The following PVT1 variants were observed in gnomAD, a reference collection of about 807,000 sequenced individuals.
PVT1 encodes Pvt1 oncogene, also known as CXCR4/PVT1 fusion.
intron 3 of PVT1, among the ~76,000 whole-genome samples, chr8:127,931,583 TCA>T (rs1321613924): frequency 6.6e-6 from 1 of 152,230 alleles, no homozygotes; most frequent in African/African-American, 2.4e-5. Context: ...ACAGAGCAGC[TCA>T]GCAGCTTGCC....
rs192773454 is a variant in PVT1, at chr8:127,836,310, T to A, written n.372+40239T>A. 2.6e-5 allele frequency among the ~76,000 whole-genome samples: 4 copies of A among 152,364 alleles called. No individual in the cohort carries two copies. The East Asian group carries it at 7.7e-4, about 29-fold the overall frequency. ...TTTTTTTAAAATTAATTTTAATTTT[T>A]ATTTTACATTCCGAGGTACATGTGC... On this transcript the variant is annotated intron_variant and non_coding_transcript_variant, in intron 2 of 10. Coordinates refer to ENST00000651587, the Ensembl canonical transcript of PVT1.
Position 128,100,455 on chromosome 8 carries a change from G to C in PVT1, n.1251+3801G>C, listed in dbSNP as rs371123361. On this transcript the variant is annotated intron_variant and non_coding_transcript_variant, in intron 6 of 10. Transcript: ENST00000651587. ...CACATGGACGGGAATGAGAATTACA[G>C]GGGGAGCACACTTGAGCTGCGGTCC... is the stretch of plus-strand genomic sequence containing the variant. Among the ~76,000 whole-genome samples, 4 of 152,328 alleles carry C rather than the reference G, an allele frequency of 2.6e-5. No homozygotes were observed. In the East Asian group the frequency reaches 5.8e-4, roughly 22 times the overall value.
At chr8:128,077,422 G>C (rs1206554469) in intron 5 of PVT1, among the ~76,000 whole-genome samples, 1 of 152,100 alleles carries the variant, frequency 6.6e-6, no homozygotes, top group Admixed American at 6.5e-5. Flanking sequence ...GCTTCAGGGG[G>C]TGAAATGAGA....
intron 2 of PVT1, among the ~76,000 whole-genome samples, chr8:127,885,841 ACTTC>A (rs929288196): frequency 8.5e-5 from 13 of 152,302 alleles, no homozygotes; most frequent in African/African-American, 3.1e-4. Flanking sequence ...TAATTACTGT[ACTTC>A]CTTCTTCTTT....
intron 3 of PVT1, chr8:127,947,870 G>C (rs1453155639): frequency 4.4e-6 from 2 of 456,446 alleles, no homozygotes; most frequent in African/African-American, 4.0e-5. Context: ...CCTCTTGTAA[G>C]AGCCTTGTAC....
At chr8:127,831,999 AAAC>A (rs1430872705) in intron 2 of PVT1, among the ~76,000 whole-genome samples, 2 of 152,232 alleles carry the variant, frequency 1.3e-5, no homozygotes, top group Non-Finnish European at 2.9e-5. Context: ...TTGATTCTCA[AAAC>A]AACATCTTTG....
At chr8:127,895,707 C>T (rs886479760) in intron 3 of PVT1, among the ~76,000 whole-genome samples, 8 of 152,048 alleles carry the variant, frequency 5.3e-5, no homozygotes, top group African/African-American at 1.9e-4. Flanking sequence ...TTTAACATTA[C>T]GTTTAGCTCT....
chr8:128,011,307 C>T (rs749152272), intron 4 of PVT1, among the ~76,000 whole-genome samples: 21 of 152,106 alleles, frequency 1.4e-4, no homozygotes, highest in South Asian at 4.1e-4. Context: ...TTCTTCCAAA[C>T]GTATATGATG....
intron 2 of PVT1, among the ~76,000 whole-genome samples, chr8:127,796,726 C>G (rs1200383675): frequency 6.6e-6 from 1 of 152,128 alleles, no homozygotes; most frequent in African/African-American, 2.4e-5. Context: ...CGGTCCAGGT[C>G]GTCTGGAGAG....
intron 2 of PVT1, among the ~76,000 whole-genome samples, chr8:127,844,294 C>T (rs1008116641): frequency 6.6e-6 from 1 of 152,156 alleles, no homozygotes; most frequent in Non-Finnish European, 1.5e-5. Context: ...AAAAGCCGCC[C>T]AGTCCTGATT....
At chr8:127,962,731 G>C (rs1816659724) in intron 3 of PVT1, among the ~76,000 whole-genome samples, 1 of 152,032 alleles carries the variant, frequency 6.6e-6, no homozygotes, top group African/African-American at 2.4e-5. Flanking sequence ...CGAGTAGCTG[G>C]GATTACAGGG....
chr8:127,915,358 C>T (rs1404026125), intron 3 of PVT1, among the ~76,000 whole-genome samples: 1 of 151,566 alleles, frequency 6.6e-6, no homozygotes, highest in African/African-American at 2.4e-5. Flanking sequence ...ACCTGTAATC[C>T]CAGCACTTTG....
chr8:127,984,923 CTTTCTCTTTCTTTCTTTCTTTCCCCTT>C (rs1563657674), intron 3 of PVT1, among the ~76,000 whole-genome samples: 27 of 120,240 alleles, frequency 2.2e-4, no homozygotes, highest in African/African-American at 9.4e-4. Context: ...CTTTCTTTCT[CTTTCTCTTTCTTTCTTTCTTTCCCCTT>C]CCTTCCTTCC....
At chr8:128,024,087 C>T (rs1817467149) in intron 4 of PVT1, among the ~76,000 whole-genome samples, 1 of 152,214 alleles carries the variant, frequency 6.6e-6, no homozygotes, top group African/African-American at 2.4e-5. Context: ...TACCTCACAG[C>T]AAAGGACAGC....
chr8:127,891,607 G>A (rs1469756262), intron 3 of PVT1, among the ~76,000 whole-genome samples: 3 of 152,210 alleles, frequency 2.0e-5, no homozygotes, highest in African/African-American at 2.4e-5. Context: ...ATTGAAGATC[G>A]CCAAGTAGAC....
At chr8:127,806,801 GTC>G (rs892772336) in intron 2 of PVT1, among the ~76,000 whole-genome samples, 4 of 152,020 alleles carry the variant, frequency 2.6e-5, no homozygotes, top group African/African-American at 9.7e-5. Flanking sequence ...ACAGTGTGTA[GTC>G]TCTCGGATTT....
intron 2 of PVT1, among the ~76,000 whole-genome samples, chr8:127,868,533 G>A (rs1394890956): frequency 6.6e-6 from 1 of 151,556 alleles, no homozygotes; most frequent in Non-Finnish European, 1.5e-5. Context: ...GGTTACGGGT[G>A]CATGCCACCA....
chr8:127,955,606 C>T (rs191936769), intron 3 of PVT1, among the ~76,000 whole-genome samples: 109 of 152,032 alleles, frequency 7.2e-4, no homozygotes, highest in African/African-American at 2.3e-3. Context: ...CTCCCCTTCC[C>T]GAGACAGTCT....
chr8:127,816,566 G>A (rs1306990261), intron 2 of PVT1, among the ~76,000 whole-genome samples: 1 of 150,682 alleles, frequency 6.6e-6, no homozygotes, highest in African/African-American at 2.4e-5. Flanking sequence ...CACCCAGGAT[G>A]GGGATGGAGT....
Sources: allele counts gnomAD v4.1 joint callset (sites outside exome capture counted in the v4.1 genomes callset), GRCh38; gene constraint gnomAD v4.1.1; transcripts MANE v1.5; gene names NCBI Gene and HGNC (gene_info 2026-07-23, HGNC 2026-07-21).